FGF14: variants seen among roughly 807,000 people sequenced by gnomAD.
FGF14 encodes fibroblast growth factor homologous factor 4.
FGF14 carries 5 observed loss-of-function variants against 25.5 expected under a neutral mutation model. The observed-to-expected ratio is 0.20, with a 90% CI of 0.10 to 0.41. FGF14 has a LOEUF of 0.41. Among genes scored for constraint, FGF14 ranks in the 10% least tolerant of loss-of-function variants. FGF14 has a pLI of 1.00. For synonymous variants in FGF14, 138 were observed against 118.3 expected, an observed-to-expected ratio of 1.17 and a Z score of -1.08; for missense variants, 222 against 320.1, an observed-to-expected ratio of 0.69 and a Z score of 2.34.
intron 1 of FGF14, among the ~76,000 whole-genome samples, chr13:101,957,483 A>G (rs986301200): frequency 5.3e-5 from 8 of 152,210 alleles, no homozygotes; most frequent in African/African-American, 1.7e-4. Context: ...TTTGCTATTC[A>G]AAGTATGGTC....
chr13:101,830,595 T>C (rs941417932), intron 3 of FGF14, among the ~76,000 whole-genome samples: 2 of 152,126 alleles, frequency 1.3e-5, no homozygotes, highest in Non-Finnish European at 2.9e-5. Flanking sequence ...AGCCCTTTGA[T>C]CCTAAGTAAG....
At chr13:102,178,341 A>G (rs1045230537) in intron 1 of FGF14, among the ~76,000 whole-genome samples, 1 of 152,126 alleles carries the variant, frequency 6.6e-6, no homozygotes, top group Non-Finnish European at 1.5e-5. Context: ...CACCAGTTTC[A>G]CTCAAATCAC....
chr13:101,764,754 T>G (rs566565462), intron 3 of FGF14, among the ~76,000 whole-genome samples: 2 of 152,288 alleles, frequency 1.3e-5, no homozygotes, highest in African/African-American at 4.8e-5. Context: ...TGGCAAGAGG[T>G]ACTGAAGTTA....
upstream of FGF14, among the ~76,000 whole-genome samples, chr13:101,917,310 T>G (rs2033630723): frequency 6.7e-6 from 1 of 150,230 alleles, no homozygotes. Flanking sequence ...CCCCTCCACC[T>G]ATGTGGTCCC....
intron 1 of FGF14, among the ~76,000 whole-genome samples, chr13:102,190,612 C>T (rs994761697): frequency 1.3e-5 from 2 of 152,110 alleles, no homozygotes; most frequent in African/African-American, 2.4e-5. Flanking sequence ...TCCCACCTTA[C>T]ATTAATAGAT....
chr13:101,755,355 G>A (rs2037574518), intron 3 of FGF14, among the ~76,000 whole-genome samples: 1 of 151,902 alleles, frequency 6.6e-6, no homozygotes, highest in South Asian at 2.1e-4. Context: ...TGAAGAACCA[G>A]AGGCGAGGCA....
intron 1 of FGF14, among the ~76,000 whole-genome samples, chr13:102,330,095 C>T (rs566953484): frequency 2.0e-5 from 3 of 152,280 alleles, no homozygotes; most frequent in East Asian, 1.9e-4. Context: ...CCAGCAGAGA[C>T]GTGTTTCTGT....
chr13:101,992,169 CAG>C lies in FGF14; in HGVS notation c.209-116875_209-116874del, dbSNP rs372037885. 1.3e-3 allele frequency among the ~76,000 whole-genome samples: 205 copies of C among 152,174 alleles called. 3 individuals carry two copies. In the East Asian group the frequency reaches 0.031, roughly 23 times the overall value. On this transcript the variant is annotated intron_variant, in intron 1 of 4. Transcript: ENST00000376131. ...TATAAATAGGGCTTCCATATAAAAA[CAG>C]AGGATTATAGCTGAAAGAACTACAA...
chr13:102,308,934 ACAC>A (rs2055566412), intron 1 of FGF14, among the ~76,000 whole-genome samples: 1 of 139,704 alleles, frequency 7.2e-6, no homozygotes. Flanking sequence ...AAAAAAAAAA[ACAC>A]AAAAAAAACA....
chr13:102,126,583 C>T (rs984632577), intron 1 of FGF14, among the ~76,000 whole-genome samples: 4 of 152,198 alleles, frequency 2.6e-5, no homozygotes, highest in African/African-American at 4.8e-5. Flanking sequence ...GTATATACCT[C>T]GGAGTGGAAT....
intron 1 of FGF14, among the ~76,000 whole-genome samples, chr13:102,006,211 T>C (rs1279029983): frequency 6.6e-6 from 1 of 152,216 alleles, no homozygotes; most frequent in East Asian, 1.9e-4. Flanking sequence ...CTCATTATAT[T>C]TGCAACTTCA....
chr13:101,995,845 T>C (rs145337066), intron 1 of FGF14, among the ~76,000 whole-genome samples: 30 of 152,196 alleles, frequency 2.0e-4, no homozygotes, highest in African/African-American at 6.7e-4. Flanking sequence ...AGAAGAATTG[T>C]TGTGAGAAGC....
intron 1 of FGF14, among the ~76,000 whole-genome samples, chr13:102,055,363 C>T (rs1372645918): frequency 1.3e-5 from 2 of 152,154 alleles, no homozygotes; most frequent in Admixed American, 6.5e-5. Context: ...TATTGCTTTC[C>T]TCTAGAGGGA....
chr13:102,317,975 T>C (rs980927553), intron 1 of FGF14, among the ~76,000 whole-genome samples: 3 of 152,214 alleles, frequency 2.0e-5, no homozygotes, highest in South Asian at 2.1e-4. Flanking sequence ...TGCAAGACCA[T>C]AGACATCGGC....
intron 1 of FGF14, among the ~76,000 whole-genome samples, chr13:102,081,386 G>A (rs1199724666): frequency 1.3e-5 from 2 of 152,186 alleles, no homozygotes; most frequent in Admixed American, 6.5e-5. Flanking sequence ...AACTAGTAAG[G>A]AAGACATGTT....
intron 1 of FGF14, among the ~76,000 whole-genome samples, chr13:102,140,834 C>T (rs147290414): frequency 2.6e-5 from 4 of 152,198 alleles, no homozygotes; most frequent in East Asian, 1.9e-4. Flanking sequence ...CGTATTACTT[C>T]GGCAAAAAGT....
chr13:101,750,795 A>G (rs2037221376), intron 3 of FGF14, among the ~76,000 whole-genome samples: 1 of 152,194 alleles, frequency 6.6e-6, no homozygotes, highest in African/African-American at 2.4e-5. Context: ...AGCAATCAAG[A>G]TGGCCTTCAA....
At position 101,719,372 on chromosome 13, in the gene FGF14, T is replaced by C. The variant is rs1023548965; in HGVS notation, c.*3459A>G. 6.6e-6 allele frequency: 1 copy of C among 152,026 alleles called. No homozygotes were observed. Among genetic ancestry groups the C allele is most frequent in the African/African-American group, 2.4e-5 (1 of 41,414 alleles). The allele number at this position is 152,026 out of a possible 1,614,324, so 9.4% of individuals were successfully genotyped here. On this transcript the variant is annotated 3_prime_UTR_variant, in exon 5 of 5. Coordinates refer to ENST00000376143, the MANE Select transcript of FGF14 (RefSeq NM_004115.4). ...CTGGAGCGGGAGTCCTTTGGACCCA[T>C]CGTGGATCTCTTTAAGCCACTGCTA...
At chr13:101,787,511 T>C (rs1284160458) in intron 3 of FGF14, among the ~76,000 whole-genome samples, 1 of 152,124 alleles carries the variant, frequency 6.6e-6, no homozygotes, top group Non-Finnish European at 1.5e-5. Context: ...TACAAACCCC[T>C]GGAAAAAAAG....
Sources: allele counts gnomAD v4.1 joint callset (sites outside exome capture counted in the v4.1 genomes callset), GRCh38; gene constraint gnomAD v4.1.1; transcripts MANE v1.5; gene names NCBI Gene and HGNC (gene_info 2026-07-23, HGNC 2026-07-21).